Variants in ZNF541 observed in about 807,000 individuals in gnomAD.
ZNF541 encodes zinc finger protein 541.
In ZNF541, 23 loss-of-function variants were observed where a neutral mutation model predicts 123.5. The observed-to-expected ratio is 0.19, with a 90% CI of 0.13 to 0.26. The LOEUF (loss-of-function observed/expected upper bound fraction) is 0.26, where lower values mean the gene tolerates loss of function less well. Ranked by LOEUF, ZNF541 falls within the 10% of genes least tolerant of loss-of-function variation. The pLI, the probability that ZNF541 is intolerant of heterozygous loss-of-function variation, is 1.00. For missense variants in ZNF541, 1,612 were observed against 1,789.9 expected (o/e 0.90, Z 1.79); for synonymous variants, 751 against 754.5 (o/e 1.00, Z 0.08).
chr19:47,522,012 G>A lies in ZNF541; in HGVS notation c.3571-18C>T, dbSNP rs1969057529. On this transcript the variant is annotated intron_variant, in intron 14 of 16. Transcript: ENST00000391901. ...GTCTGGATCTAGTGAAAGAAAACAAGCAGGCTGTGGCTGTGCCACGCGGGC... is the reference window on the plus strand; with the variant it reads ...GTCTGGATCTAGTGAAAGAAAACAAACAGGCTGTGGCTGTGCCACGCGGGC... The A allele has an allele frequency of 6.4e-7, 1 of 1,551,536 alleles. No homozygotes were observed. Among genetic ancestry groups the A allele is most frequent in the Non-Finnish European group, 8.7e-7 (1 of 1,147,064 alleles).
chr19:47,566,422 T>C (rs1971265108), intron 2 of ZNF541, among the ~76,000 whole-genome samples: 1 of 152,102 alleles, frequency 6.6e-6, no homozygotes, highest in Non-Finnish European at 1.5e-5. Context: ...TGCAATATAT[T>C]TAAATATGTT....
intron 1 of ZNF541, among the ~76,000 whole-genome samples, chr19:47,572,875 G>T (rs1971525696): frequency 6.6e-6 from 1 of 152,126 alleles, no homozygotes; most frequent in South Asian, 2.1e-4. Flanking sequence ...GGAGCTGTTG[G>T]GTTGCAGAAG....
chr19:47,553,388 A>G (rs975071231), intron 3 of ZNF541, among the ~76,000 whole-genome samples: 6 of 141,520 alleles, frequency 4.2e-5, no homozygotes, highest in Non-Finnish European at 7.6e-5. Flanking sequence ...ACAGGCACCC[A>G]CCACCATGCC....
At chr19:47,546,543 A>T (rs13345856) in intron 4 of ZNF541, among the ~76,000 whole-genome samples, 4 of 151,874 alleles carry the variant, frequency 2.6e-5, no homozygotes, top group African/African-American at 7.3e-5. Flanking sequence ...ATAAAATTTT[A>T]AAAAATACAA....
chr19:47,522,273 G>C (rs1804386263), intron 14 of ZNF541, among the ~76,000 whole-genome samples: 1 of 152,234 alleles, frequency 6.6e-6, no homozygotes, highest in Non-Finnish European at 1.5e-5. Context: ...TGGGCACAAA[G>C]GTTGCACCAG....
Position 47,540,296 on chromosome 19 carries a change from G to A in ZNF541, c.2502C>T (p.Pro834=). ...QNGSPTDWTK[P]RSTFVCKNCS... ...AGTTCTTGCAGACAAAAGTGCTCCTGGGCTTCGTCCAGTCTGTGGGACTGC... is the reference window on the plus strand; with the variant it reads ...AGTTCTTGCAGACAAAAGTGCTCCTAGGCTTCGTCCAGTCTGTGGGACTGC... Residue 834 remains proline (P), a synonymous_variant, in exon 7 of 17, where the codon CCC becomes CCT. Coordinates refer to ENST00000391901, the MANE Select transcript of ZNF541 (RefSeq NM_001277075.3). 3.9e-6 allele frequency: 6 copies of A among 1,552,126 alleles called. No homozygotes were observed. Among genetic ancestry groups the A allele is most frequent in the Non-Finnish European group, 5.2e-6 (6 of 1,147,098 alleles).
intron 14 of ZNF541, among the ~76,000 whole-genome samples, chr19:47,526,494 A>AG (rs1969303477): frequency 2.7e-5 from 4 of 147,002 alleles, no homozygotes; most frequent in African/African-American, 1.1e-4. Context: ...AAAAAAAAAA[A>AG]AAAAAAGAAA....
At chr19:47,541,871 C>T (rs1970094208) in intron 5 of ZNF541, among the ~76,000 whole-genome samples, 1 of 152,156 alleles carries the variant, frequency 6.6e-6, no homozygotes, top group Admixed American at 6.5e-5. Flanking sequence ...AACTGCTGTA[C>T]GACCTGGCGA....
At position 47,544,147 on chromosome 19, in the gene ZNF541, C is replaced by A; in HGVS notation, c.2382G>T (p.Leu794=). 1.3e-6 allele frequency: 2 copies of A among 1,550,114 alleles called. No individual in the cohort carries two copies. Among genetic ancestry groups the A allele is most frequent in the South Asian group, 2.4e-5 (2 of 83,998 alleles). ...GTACCTGGATTCTGCTGAATATTGT[C>A]AGCTTGGACTTGGAGGGATCTGCCG... is the stretch of plus-strand genomic sequence containing the variant. The part of the protein sequence containing the change: ...GPPADPSKSK[L]TIFSRIQGGN... Residue 794 remains leucine (L), a synonymous_variant, in exon 5 of 17, where the codon CTG becomes CTT. Coordinates refer to ENST00000391901, the MANE Select transcript of ZNF541 (RefSeq NM_001277075.3).
intron 13 of ZNF541, 133 bp from the exon 14 acceptor site, chr19:47,529,171 T>C: frequency 1.5e-6 from 1 of 684,726 alleles, no homozygotes; most frequent in Non-Finnish European, 2.4e-6. Flanking sequence ...CATAAAAAAC[T>C]CAAAAAGTCT....
chr19:47,541,439 A>T (rs1385255316), intron 5 of ZNF541, among the ~76,000 whole-genome samples: 1 of 152,164 alleles, frequency 6.6e-6, no homozygotes, highest in African/African-American at 2.4e-5. Flanking sequence ...AATAAAAAAT[A>T]AAAACTTTTG....
At chr19:47,558,957 G>T (rs1045719870) in intron 2 of ZNF541, among the ~76,000 whole-genome samples, 1 of 151,638 alleles carries the variant, frequency 6.6e-6, no homozygotes, top group African/African-American at 2.4e-5. Flanking sequence ...TCTTGGCGAG[G>T]CTGGTCTTGA....
Position 47,531,741 on chromosome 19 carries a change from G to A in ZNF541, c.3306C>T (p.Thr1102=), listed in dbSNP as rs528168377. 346 of 1,542,488 alleles carry A rather than the reference G, an allele frequency of 2.2e-4. 4 individuals are homozygous for A. The South Asian group carries it at 3.6e-3, about 16-fold the overall frequency. The change falls in exon 12 of 17, where the codon ACC becomes ACT. Residue 1102 remains threonine, a synonymous_variant. Transcript: ENST00000391901. ...MISSETQDRV[T]ELCNVACSSV... ...TGGAGCATGCCACATTGCAGAGCTC[G>A]GTCACTGTTTCCAAGAAGGACATGA... is the stretch of plus-strand genomic sequence containing the variant.
chr19:47,566,740 A>G (rs1971279236), intron 2 of ZNF541, among the ~76,000 whole-genome samples: 1 of 149,410 alleles, frequency 6.7e-6, no homozygotes, highest in Admixed American at 6.8e-5. Context: ...GCCAGACTCC[A>G]TCTCAAAAAT....
At chr19:47,570,441 G>A (rs1431862534) in intron 2 of ZNF541, among the ~76,000 whole-genome samples, 1 of 151,794 alleles carries the variant, frequency 6.6e-6, no homozygotes, top group East Asian at 1.9e-4. Flanking sequence ...GCCGGGCATG[G>A]TGGTGGGCAC....
At chr19:47,525,105 T>C (rs1969223453) in intron 14 of ZNF541, among the ~76,000 whole-genome samples, 1 of 151,874 alleles carries the variant, frequency 6.6e-6, no homozygotes, top group Admixed American at 6.6e-5. Context: ...GCCAACATGG[T>C]GAAACCCTGT....
chr19:47,560,192 C>T (rs1414060794), intron 2 of ZNF541, among the ~76,000 whole-genome samples: 2 of 151,964 alleles, frequency 1.3e-5, no homozygotes, highest in Admixed American at 1.3e-4. Context: ...TGCAGGCTGG[C>T]GCAAAAGATA....
rs1970805405 is a variant in ZNF541 at position 47,555,939 on chromosome 19, T to TG, written c.-84dup. ...AAGGAGACAGGGAGGAGAGAGCCCT[T>TG]GATGGCAACTAATTCCTGAAAATGA... On this transcript the variant is annotated 5_prime_UTR_variant, in exon 3 of 17. Coordinates refer to ENST00000391901, the MANE Select transcript of ZNF541 (RefSeq NM_001277075.3). 2 of 1,307,936 alleles carry TG rather than the reference T, an allele frequency of 1.5e-6. No homozygotes were observed. Among genetic ancestry groups the TG allele is most frequent in the African/African-American group, 1.5e-5 (1 of 66,916 alleles). 81.0% of individuals were successfully genotyped at this position (1,307,936 alleles called of 1,614,324 possible). A position where few individuals can be genotyped will look rare whatever the true frequency, so the allele number is the denominator to read the frequency against.
At chr19:47,565,646 T>C (rs1971233443) in intron 2 of ZNF541, among the ~76,000 whole-genome samples, 1 of 152,172 alleles carries the variant, frequency 6.6e-6, no homozygotes, top group South Asian at 2.1e-4. Context: ...GTCGGCAAAG[T>C]AATTGTTTCA....
Sources: allele counts gnomAD v4.1 joint callset (sites outside exome capture counted in the v4.1 genomes callset), GRCh38; gene constraint gnomAD v4.1.1; transcripts MANE v1.5; gene names NCBI Gene and HGNC (gene_info 2026-07-23, HGNC 2026-07-21).